C1GALT1: variants seen among roughly 807,000 people sequenced by gnomAD.
C1GALT1 encodes the protein glycoprotein-N-acetylgalactosamine 3-beta-galactosyltransferase 1.
In C1GALT1, 11 loss-of-function variants were observed where a neutral mutation model predicts 31.0. The observed-to-expected ratio is 0.36, with a 90% confidence interval of 0.22 to 0.59. C1GALT1 has a LOEUF of 0.59. Among genes scored for constraint, C1GALT1 ranks in the 20% least tolerant of loss-of-function variants. C1GALT1 has a pLI of 0.79. For missense variants in C1GALT1, 424 were observed against 425.2 expected, an observed-to-expected ratio of 1.00 and a Z score of 0.03; for synonymous variants, 175 against 143.6, an observed-to-expected ratio of 1.22 and a Z score of -1.56.
Position 7,199,922 on chromosome 7 carries a change from GC to G in C1GALT1, c.-18+17104del, listed in dbSNP as rs1264218639. On this transcript the variant is annotated intron_variant, in intron 1 of 3. Coordinates refer to ENST00000436587, the MANE Select transcript of C1GALT1 (RefSeq NM_020156.5). ...ATCTTCCTCCATCCCTTTATTTTGA[GC>G]CTATGTGTGTCTCTGCACGTGAGAT... 4.6e-5 allele frequency among the ~76,000 whole-genome samples: 7 copies of G among 151,976 alleles called. No homozygotes were observed. In the East Asian group the frequency reaches 9.6e-4, roughly 21 times the overall value.
At chr7:7,243,464 A>T in intron 3 of C1GALT1, 60 bp from the exon 4 acceptor site, 1 of 1,323,320 alleles carries the variant, frequency 7.6e-7, no homozygotes, top group Admixed American at 2.4e-5. Context: ...ATAAGTATGT[A>T]AATATTGTAG....
upstream of C1GALT1, among the ~76,000 whole-genome samples, chr7:7,181,292 A>G (rs1317180694): frequency 1.6e-5 from 2 of 124,342 alleles, no homozygotes; most frequent in African/African-American, 6.4e-5. Flanking sequence ...CTGAGCAACA[A>G]CTGTATACAA....
At chr7:7,239,414 T>A (rs1250751956) in intron 3 of C1GALT1, among the ~76,000 whole-genome samples, 2 of 152,136 alleles carry the variant, frequency 1.3e-5, no homozygotes, top group South Asian at 4.1e-4. Context: ...TGGGTGAAGA[T>A]CTGGGTAAAG....
chr7:7,182,967 C>T, intron 1 of C1GALT1, 147 bp downstream of exon 1: 1 of 506,712 alleles, frequency 2.0e-6, no homozygotes, highest in Non-Finnish European at 2.5e-6. Context: ...CAAAGCCGGG[C>T]TGGGGTCGTC....
chr7:7,214,253 G>A (rs912016220), intron 1 of C1GALT1, among the ~76,000 whole-genome samples: 2 of 152,088 alleles, frequency 1.3e-5, no homozygotes, highest in African/African-American at 4.8e-5. Flanking sequence ...AGGAAAAAAA[G>A]GTTTTTTTCC....
chr7:7,214,730 G>A (rs946454593), intron 1 of C1GALT1, among the ~76,000 whole-genome samples: 8 of 152,178 alleles, frequency 5.3e-5, no homozygotes, highest in African/African-American at 1.9e-4. Context: ...AGCTGTCCTT[G>A]CCCATCCCAG....
chr7:7,214,552 A>T (rs536149603), intron 1 of C1GALT1, among the ~76,000 whole-genome samples: 8 of 152,352 alleles, frequency 5.3e-5, no homozygotes, highest in South Asian at 4.1e-4. Context: ...CATGCCAAGC[A>T]GTTAAGATTT....
chr7:7,174,962 C>T (rs879790388), intron 2 of C1GALT1, among the ~76,000 whole-genome samples: 7 of 152,052 alleles, frequency 4.6e-5, no homozygotes, highest in Non-Finnish European at 1.0e-4. Flanking sequence ...TGGACTTCCT[C>T]AGGGACAGTT....
chr7:7,236,473 T>C (rs58529061), intron 2 of C1GALT1, among the ~76,000 whole-genome samples: 32,092 of 152,062 alleles, frequency 0.21, 3,814 homozygotes, highest in East Asian at 0.55. Flanking sequence ...TTGTCTGCTG[T>C]TGTCCTTTTG....
chr7:7,160,575 A>G lies in C1GALT1; in HGVS notation c.-18+3149A>G, dbSNP rs189410842. On this transcript the variant is annotated intron_variant, in intron 2 of 3. Transcript: ENST00000429911. Reference sequence around the variant, plus strand: ...AGATATTTAGAAGGGGAGGAAAATAAAAATTGTCTATGTGTCTGCTAACCT... The same window carrying G: ...AGATATTTAGAAGGGGAGGAAAATAGAAATTGTCTATGTGTCTGCTAACCT... 5.3e-5 allele frequency among the ~76,000 whole-genome samples: 8 copies of G among 152,280 alleles called. No individual in the cohort carries two copies. In the East Asian group the frequency reaches 1.2e-3, roughly 22 times the overall value.
chr7:7,227,051 G>T (rs1402793820), intron 1 of C1GALT1, among the ~76,000 whole-genome samples: 1 of 151,986 alleles, frequency 6.6e-6, no homozygotes, highest in Non-Finnish European at 1.5e-5. Flanking sequence ...ACTCCTTTCT[G>T]TTTTTTTGTA....
In C1GALT1 at chr7:7,238,412, T is replaced by A; in HGVS notation, c.378T>A (p.Asn126Lys). The part of the protein sequence containing the change: ...NKVLFMSSEE[N>K]KDFPAVGLKT... ...TGTTGTTTATGAGTTCAGAAGAAAA[T>A]AAAGACTTCCCTGCTGTGGGACTGA... is the stretch of plus-strand genomic sequence containing the variant. The change falls in exon 3 of 4, where the codon AAT (asparagine) becomes AAA (lysine). Residue 126 changes from asparagine to lysine, a missense_variant. Coordinates refer to ENST00000436587, the MANE Select transcript of C1GALT1 (RefSeq NM_020156.5). This position sits in a 1 kb window ranked among gnomAD's most constrained non-coding sequence, Gnocchi z 5.2. 6.2e-7 allele frequency: 1 copy of A among 1,613,828 alleles called. No individual in the cohort carries two copies. The highest frequency in any genetic ancestry group is 8.5e-7 in the Non-Finnish European group (1 of 1,179,926).
chr7:7,200,069 T>C (rs1781470735), intron 1 of C1GALT1, among the ~76,000 whole-genome samples: 1 of 152,256 alleles, frequency 6.6e-6, no homozygotes, highest in South Asian at 2.1e-4. Context: ...AGGTGTGTAT[T>C]TGATCCTGTC....
chr7:7,227,264 A>G (rs1382083205), intron 1 of C1GALT1, among the ~76,000 whole-genome samples: 1 of 152,220 alleles, frequency 6.6e-6, no homozygotes, highest in African/African-American at 2.4e-5. Flanking sequence ...TGTCCCCTCT[A>G]AAACTCATGT....
In C1GALT1 at chr7:7,244,749, A is replaced by ATTAGT. The variant is rs1272890718; in HGVS notation, c.*1026_*1030dup. ...AACTTGTTTAAAGCAGAGTTTTAAA[A>ATTAGT]TTAGTTTATAGGATCTGAGGTGGCT... On this transcript the variant is annotated 3_prime_UTR_variant, in exon 4 of 4. Coordinates refer to ENST00000436587, the MANE Select transcript of C1GALT1 (RefSeq NM_020156.5). 1.3e-5 allele frequency: 2 copies of ATTAGT among 152,180 alleles called. No homozygotes were observed. Among genetic ancestry groups the ATTAGT allele is most frequent in the African/African-American group, 4.8e-5 (2 of 41,454 alleles). 9.4% of individuals were successfully genotyped at this position (152,180 alleles called of 1,614,324 possible).
chr7:7,171,776 T>C (rs893802590), intron 2 of C1GALT1, among the ~76,000 whole-genome samples: 6 of 152,152 alleles, frequency 3.9e-5, no homozygotes, highest in South Asian at 2.1e-4. Flanking sequence ...GTGGTTACCA[T>C]AGCAATTACG....
At chr7:7,180,084 G>A (rs988915738), upstream of C1GALT1, among the ~76,000 whole-genome samples, 3 of 152,166 alleles carry the variant, frequency 2.0e-5, no homozygotes, top group Admixed American at 1.3e-4. Flanking sequence ...AAGGATTTTG[G>A]TTTAGACAAC....
intron 1 of C1GALT1, among the ~76,000 whole-genome samples, chr7:7,204,343 A>T (rs1228839332): frequency 6.6e-6 from 1 of 151,826 alleles, no homozygotes; most frequent in African/African-American, 2.4e-5. Context: ...TAGGTTATGC[A>T]GTTGTTGACA....
intron 1 of C1GALT1, among the ~76,000 whole-genome samples, chr7:7,204,507 C>G (rs902232393): frequency 6.6e-6 from 1 of 151,834 alleles, no homozygotes; most frequent in African/African-American, 2.4e-5. Flanking sequence ...TTTGAAGAAC[C>G]AACTTTTAGT....
Sources: allele counts gnomAD v4.1 joint callset (sites outside exome capture counted in the v4.1 genomes callset), GRCh38; gene constraint gnomAD v4.1.1; non-coding constraint Gnocchi (gnomAD v3.1); transcripts MANE v1.5; gene names NCBI Gene and HGNC (gene_info 2026-07-23, HGNC 2026-07-21).